NAALADL2: variants seen among roughly 807,000 people sequenced by gnomAD.
NAALADL2 encodes the protein N-acetylated alpha-linked acidic dipeptidase like 2.
NAALADL2 carries 76 observed loss-of-function variants against 87.2 expected under a neutral mutation model. The ratio of observed to expected loss-of-function variants is 0.87; its 90% CI spans 0.72 to 1.05. The LOEUF is 1.05. Ranked by LOEUF, NAALADL2 falls within the 50% of genes least tolerant of loss-of-function variation. The pLI is 0.00. For missense variants in NAALADL2, 1,089 were observed against 945.8 expected (o/e 1.15, Z -1.99); for synonymous variants, 354 against 331.0 (o/e 1.07, Z -0.75).
intron 5 of NAALADL2, among the ~76,000 whole-genome samples, chr3:175,374,838 C>T (rs541477371): frequency 6.6e-6 from 1 of 151,534 alleles, no homozygotes; most frequent in Admixed American, 6.6e-5. Flanking sequence ...GACACTACTG[C>T]ACTCCAGCCT....
chr3:174,965,174 C>T (rs776178777), intron 1 of NAALADL2, among the ~76,000 whole-genome samples: 7 of 152,086 alleles, frequency 4.6e-5, no homozygotes, highest in Non-Finnish European at 8.8e-5. Flanking sequence ...ATGGCTTAGT[C>T]ACAAGGCTAT....
chr3:175,068,541 T>C (rs1159792168), intron 1 of NAALADL2, among the ~76,000 whole-genome samples: 2 of 152,120 alleles, frequency 1.3e-5, no homozygotes, highest in East Asian at 1.9e-4. Flanking sequence ...CATTCAGTGT[T>C]GTCTCTCGCA....
chr3:175,065,484 T>C (rs997122692), intron 1 of NAALADL2, among the ~76,000 whole-genome samples: 49 of 152,318 alleles, frequency 3.2e-4, no homozygotes, highest in African/African-American at 1.2e-3. Flanking sequence ...ATGATCTTGT[T>C]GAACCATGTC....
At chr3:175,587,982 G>C (rs1457186473) in intron 10 of NAALADL2, among the ~76,000 whole-genome samples, 1 of 151,954 alleles carries the variant, frequency 6.6e-6, no homozygotes, top group Non-Finnish European at 1.5e-5. Flanking sequence ...CATTTGTGCA[G>C]GGAATTCTGA....
At chr3:175,769,018 A>G (rs1322681738) in intron 13 of NAALADL2, among the ~76,000 whole-genome samples, 1 of 152,214 alleles carries the variant, frequency 6.6e-6, no homozygotes, top group Admixed American at 6.5e-5. Flanking sequence ...TATTACTCCT[A>G]TCTAGACTGT....
At chr3:175,292,962 G>C (rs1374060458) in intron 4 of NAALADL2, among the ~76,000 whole-genome samples, 1 of 150,286 alleles carries the variant, frequency 6.7e-6, no homozygotes, top group Non-Finnish European at 1.5e-5. Flanking sequence ...GCGTGAACCC[G>C]GGAGGCGGAG....
At chr3:175,253,259 A>G (rs1002403899) in intron 3 of NAALADL2, among the ~76,000 whole-genome samples, 3 of 152,174 alleles carry the variant, frequency 2.0e-5, no homozygotes, top group Non-Finnish European at 4.4e-5. Context: ...GTGCTCATTT[A>G]CCATTCTAAA....
At chr3:175,351,394 TATAC>T (rs1763757706) in intron 5 of NAALADL2, among the ~76,000 whole-genome samples, 1 of 152,060 alleles carries the variant, frequency 6.6e-6, no homozygotes, top group Non-Finnish European at 1.5e-5. Context: ...ATATGATATA[TATAC>T]ATATATGATA....
intron 2 of NAALADL2, among the ~76,000 whole-genome samples, chr3:174,720,969 A>G (rs900060402): frequency 7.9e-5 from 12 of 152,240 alleles, no homozygotes; most frequent in Admixed American, 5.9e-4. Context: ...ACTAATTTCA[A>G]TATTTTCAAC....
chr3:174,509,694 G>A (rs1014595629), intron 1 of NAALADL2, among the ~76,000 whole-genome samples: 1 of 147,880 alleles, frequency 6.8e-6, no homozygotes, highest in Non-Finnish European at 1.5e-5. Flanking sequence ...CCAAAGTGCT[G>A]GGATTACAGG....
intron 3 of NAALADL2, among the ~76,000 whole-genome samples, chr3:174,787,621 A>ATATATATATACATATATATATATATAT (rs1578931205): frequency 9.2e-6 from 1 of 109,244 alleles, no homozygotes; most frequent in Non-Finnish European, 2.0e-5. Flanking sequence ...ATATATATAT[A>ATATATATATACATATATATATATATAT]GTAGTGACTC....
chr3:174,748,567 C>T (rs755855374), intron 3 of NAALADL2, among the ~76,000 whole-genome samples: 1 of 152,080 alleles, frequency 6.6e-6, no homozygotes, highest in Non-Finnish European at 1.5e-5. Flanking sequence ...TGATTTGTTA[C>T]AGTAGCACCA....
At chr3:174,795,294 G>A (rs2109222050) in intron 3 of NAALADL2, among the ~76,000 whole-genome samples, 1 of 151,856 alleles carries the variant, frequency 6.6e-6, no homozygotes, top group Non-Finnish European at 1.5e-5. Flanking sequence ...ACCACACCCG[G>A]CCTTCTAGTC....
At chr3:174,793,453 T>C (rs1186911207) in intron 3 of NAALADL2, among the ~76,000 whole-genome samples, 1 of 152,276 alleles carries the variant, frequency 6.6e-6, no homozygotes, top group East Asian at 1.9e-4. Context: ...TTGGCAATAC[T>C]ATGTGGTATA....
intron 1 of NAALADL2, among the ~76,000 whole-genome samples, chr3:175,091,397 T>G (rs1336090844): frequency 6.6e-6 from 1 of 152,058 alleles, no homozygotes; most frequent in Non-Finnish European, 1.5e-5. Flanking sequence ...ATTTTTATCA[T>G]TTTACAATAA....
intron 1 of NAALADL2, among the ~76,000 whole-genome samples, chr3:174,902,503 C>G (rs548801063): frequency 5.3e-5 from 8 of 151,820 alleles, no homozygotes; most frequent in Non-Finnish European, 1.0e-4. Flanking sequence ...TCTAAAATAA[C>G]TCAAAAAGAC....
intron 1 of NAALADL2, among the ~76,000 whole-genome samples, chr3:174,930,267 T>A (rs973790933): frequency 4.6e-5 from 7 of 152,140 alleles, no homozygotes; most frequent in East Asian, 1.9e-4. Flanking sequence ...GGTTTATTTT[T>A]TATATATATT....
intron 5 of NAALADL2, among the ~76,000 whole-genome samples, chr3:175,421,477 C>T (rs909663413): frequency 5.3e-5 from 8 of 152,058 alleles, no homozygotes; most frequent in African/African-American, 1.9e-4. Flanking sequence ...CACCTATCTA[C>T]CTTCTTATGC....
chr3:175,284,200 CTG>C (rs1754692907), intron 4 of NAALADL2, among the ~76,000 whole-genome samples: 1 of 52,300 alleles, frequency 1.9e-5, no homozygotes, highest in African/African-American at 6.8e-5. Context: ...TTTTTTTTTT[CTG>C]TCTTGCTTTA....
Sources: gnomAD v4.1 joint callset for allele counts (sites outside exome capture counted in the v4.1 genomes callset) on GRCh38, gnomAD v4.1.1 for gene constraint, MANE v1.5 for transcripts, NCBI Gene and HGNC (gene_info 2026-07-23, HGNC 2026-07-21) for gene names.